The following SENP7 variants were observed in gnomAD, a reference collection of about 807,000 sequenced individuals.
SENP7 encodes sentrin-specific protease 7.
A neutral mutation model predicts 141.2 loss-of-function variants in SENP7; 64 were observed. That is an observed-to-expected ratio of 0.45 (90% CI 0.37 to 0.56). SENP7 has a LOEUF of 0.56. Ranked by LOEUF, SENP7 falls within the 20% of genes least tolerant of loss-of-function variation. SENP7 has a pLI of 0.00. For synonymous variants in SENP7, 382 were observed against 426.4 expected (o/e 0.90, Z 1.28); for missense variants, 1,025 against 1,212.2 (o/e 0.85, Z 2.29).
At chr3:101,385,232 A>G (rs1489245628) in intron 6 of SENP7, among the ~76,000 whole-genome samples, 2 of 152,140 alleles carry the variant, frequency 1.3e-5, no homozygotes, top group Admixed American at 1.3e-4. Context: ...AATACCTTGA[A>G]TGTCTTCTCA....
chr3:101,371,958 A>C (rs1462942198), intron 7 of SENP7, 50 bp downstream of exon 7: 4 of 710,818 alleles, frequency 5.6e-6, no homozygotes, highest in Non-Finnish European at 6.5e-6. Context: ...ATTATTATTA[A>C]TACAATAAGA....
chr3:101,506,561 G>A (rs1459888032), intron 1 of SENP7, among the ~76,000 whole-genome samples: 1 of 152,124 alleles, frequency 6.6e-6, no homozygotes, highest in African/African-American at 2.4e-5. Context: ...TGGATGCTAT[G>A]GGGAAATAAA....
intron 3 of SENP7, among the ~76,000 whole-genome samples, chr3:101,491,949 G>A (rs879821329): frequency 3.9e-5 from 6 of 152,180 alleles, no homozygotes; most frequent in East Asian, 1.9e-4. Flanking sequence ...AAAATTAGCC[G>A]GGCGTGGTGG....
Position 101,364,877 on chromosome 3 carries a change from G to A in SENP7, c.1433C>T (p.Ser478Leu), listed in dbSNP as rs768833225. The change falls in exon 10 of 24, where the codon TCA (serine) becomes TTA (leucine). Residue 478 changes from serine (S) to leucine (L), a missense_variant. This residue lies in a region of SENP7 where 228 missense variants were observed against 228.5 expected (regional missense o/e 1.00). Transcript: ENST00000394095. ...AATCAATGGTAGTTCTAACAATGCT[G>A]ATTCAGAAGTACTCTCATTTTCATT... is the stretch of plus-strand genomic sequence containing the variant. ...TTNENESTSESALLELPLITC... is the reference protein window; with the variant it reads ...TTNENESTSELALLELPLITC... 2 of 1,601,522 alleles carry A rather than the reference G, an allele frequency of 1.2e-6. No individual in the cohort carries two copies. The highest frequency in any genetic ancestry group is 2.3e-5 in the East Asian group (1 of 44,068).
chr3:101,341,730 T>C lies in SENP7; in HGVS notation c.2156A>G (p.Gln719Arg), dbSNP rs1298406868. The change falls in exon 15 of 24, where the codon CAA (glutamine) becomes CGA (arginine). Residue 719 changes from glutamine (Q) to arginine (R), a missense_variant. By Grantham distance (43) the Gln-to-Arg change is conservative. Coordinates refer to ENST00000394095, the MANE Select transcript of SENP7 (RefSeq NM_020654.5). ...AGAAAGGGAGTAGCAACCGCTACTTTGCTTCTGCAGGAAGGTGTAAGTAGG... is the reference window on the plus strand; with the variant it reads ...AGAAAGGGAGTAGCAACCGCTACTTCGCTTCTGCAGGAAGGTGTAAGTAGG... Reference protein sequence around the residue: ...AKPTYTFLQKQSSGCYSLSIT... With the variant: ...AKPTYTFLQKRSSGCYSLSIT... The C allele has an allele frequency of 6.2e-7, 1 of 1,611,858 alleles. No homozygotes were observed. The highest frequency in any genetic ancestry group is 1.1e-5 in the South Asian group (1 of 90,824).
chr3:101,376,523 G>A (rs2107467137), intron 6 of SENP7, among the ~76,000 whole-genome samples: 1 of 152,006 alleles, frequency 6.6e-6, no homozygotes. Flanking sequence ...ATAAGAAATG[G>A]CTGGCAAACA....
intron 5 of SENP7, among the ~76,000 whole-genome samples, chr3:101,403,397 G>C (rs949583121): frequency 6.6e-6 from 1 of 152,176 alleles, no homozygotes; most frequent in Non-Finnish European, 1.5e-5. Flanking sequence ...AAATAAATTA[G>C]TCCTCTCTTT....
intron 5 of SENP7, among the ~76,000 whole-genome samples, 169 bp from the exon 6 acceptor site, chr3:101,399,224 A>G (rs2061061820): frequency 6.6e-6 from 1 of 152,202 alleles, no homozygotes; most frequent in Non-Finnish European, 1.5e-5. Flanking sequence ...AGAAAAACAC[A>G]ATCTTTTGGT....
At chr3:101,335,643 AATCT>A (rs1475056796) in intron 17 of SENP7, among the ~76,000 whole-genome samples, 1 of 152,166 alleles carries the variant, frequency 6.6e-6, no homozygotes, top group Non-Finnish European at 1.5e-5. Context: ...AATACAGCAG[AATCT>A]ATCTACTTTC....
At chr3:101,378,315 A>G (rs552354188) in intron 6 of SENP7, among the ~76,000 whole-genome samples, 2 of 152,294 alleles carry the variant, frequency 1.3e-5, no homozygotes, top group East Asian at 3.9e-4. Context: ...TAAAGTATAC[A>G]GCATATAAGC....
intron 4 of SENP7, among the ~76,000 whole-genome samples, chr3:101,451,185 A>G: frequency 6.6e-6 from 1 of 152,222 alleles, no homozygotes; most frequent in Non-Finnish European, 1.5e-5. Flanking sequence ...GAATCTCTGA[A>G]TAGACCAATA....
intron 3 of SENP7, among the ~76,000 whole-genome samples, chr3:101,463,539 G>C (rs1188094447): frequency 6.6e-6 from 1 of 151,182 alleles, no homozygotes; most frequent in Non-Finnish European, 1.5e-5. Context: ...ATTCTAGACA[G>C]ACTTCATGGA....
chr3:101,358,437 A>C, intron 11 of SENP7: 2 of 394,382 alleles, frequency 5.1e-6, no homozygotes, highest in South Asian at 4.5e-5. Flanking sequence ...AATGTGATGA[A>C]TGTGGGAAAA....
chr3:101,361,616 T>C (rs1305073359), intron 11 of SENP7, 99 bp downstream of exon 11: 3 of 1,241,766 alleles, frequency 2.4e-6, no homozygotes, highest in African/African-American at 1.6e-5. Flanking sequence ...AAAATAAATC[T>C]TAATTCTATT....
intron 3 of SENP7, 76 bp downstream of exon 3, chr3:101,493,797 C>A: frequency 2.4e-6 from 2 of 846,084 alleles, no homozygotes; most frequent in South Asian, 2.0e-5. Flanking sequence ...AGAAAATAAA[C>A]ATTCAGTTTT....
intron 1 of SENP7, among the ~76,000 whole-genome samples, chr3:101,501,869 C>T (rs899549237): frequency 2.0e-5 from 3 of 152,102 alleles, no homozygotes; most frequent in East Asian, 1.9e-4. Context: ...GACAAATGCA[C>T]GACTGCAATT....
chr3:101,433,039 A>G (rs2062243074), intron 4 of SENP7, among the ~76,000 whole-genome samples: 2 of 152,244 alleles, frequency 1.3e-5, no homozygotes, highest in Admixed American at 6.5e-5. Context: ...ACCAAAAATA[A>G]TAACTACAAT....
rs1271259029 is a variant in SENP7 at position 101,372,205 on chromosome 3, A to G, written c.678-79T>C. On this transcript the variant is annotated intron_variant, in intron 6 of 23. Transcript: ENST00000394095. Reference sequence around the variant, plus strand: ...GAAGCCAACTAGCATGTATTTAAAAATCCAACACATTACAAACACAGTCCC... The same window carrying G: ...GAAGCCAACTAGCATGTATTTAAAAGTCCAACACATTACAAACACAGTCCC... 14 of 638,916 alleles carry G rather than the reference A, an allele frequency of 2.2e-5. No individual in the cohort carries two copies. In the East Asian group the frequency reaches 3.9e-4, roughly 18 times the overall value. The allele number at this position is 638,916 out of a possible 1,614,324, so 39.6% of individuals were successfully genotyped here. A position where few individuals can be genotyped will look rare whatever the true frequency, so the allele number is the denominator to read the frequency against.
At chr3:101,388,991 A>C (rs1427441196) in intron 6 of SENP7, among the ~76,000 whole-genome samples, 1 of 152,172 alleles carries the variant, frequency 6.6e-6, no homozygotes, top group Non-Finnish European at 1.5e-5. Flanking sequence ...TACATGACAT[A>C]TAAGACATCA....
Sources: gnomAD v4.1 joint callset for allele counts (sites outside exome capture counted in the v4.1 genomes callset) on GRCh38, gnomAD v4.1.1 for gene constraint, gnomAD v4.1.1 regional missense constraint, MANE v1.5 for transcripts, NCBI Gene and HGNC (gene_info 2026-07-23, HGNC 2026-07-21) for gene names.